Variants in RFC2 observed in about 807,000 individuals in gnomAD.
The protein encoded by RFC2 is replication factor C subunit 2.
In RFC2, 34 loss-of-function variants were observed where a neutral mutation model predicts 44.8. The ratio of observed to expected loss-of-function variants is 0.76; its 90% CI spans 0.58 to 1.01. The LOEUF (loss-of-function observed/expected upper bound fraction) is 1.01. RFC2 is among the 50% of genes least tolerant of loss of function. RFC2 has a pLI of 0.00. For missense variants in RFC2, 400 were observed against 453.6 expected (o/e 0.88, Z 1.07); for synonymous variants, 177 against 168.9 (o/e 1.05, Z -0.37).
At chr7:74,240,461 T>A (rs972114220) in intron 6 of RFC2, among the ~76,000 whole-genome samples, 13 of 139,246 alleles carry the variant, frequency 9.3e-5, no homozygotes, top group African/African-American at 3.3e-4. Context: ...AAGATCACAC[T>A]ACTGCACTCC....
chr7:74,234,461 T>C (rs1364339875), intron 10 of RFC2, among the ~76,000 whole-genome samples: 1 of 151,998 alleles, frequency 6.6e-6, no homozygotes, highest in East Asian at 1.9e-4. Context: ...TAATCTAACC[T>C]TGAAAAATCA....
intron 9 of RFC2, chr7:74,237,149 C>T: frequency 2.4e-6 from 1 of 414,372 alleles, no homozygotes. Context: ...AGGGTCTCAC[C>T]ATCACCCAGG....
intron 1 of RFC2, 128 bp downstream of exon 1, chr7:74,254,143 C>CG: frequency 1.4e-6 from 1 of 718,668 alleles, no homozygotes; most frequent in Non-Finnish European, 2.5e-6. Context: ...CGATGCCACC[C>CG]GGGGCCTCCT....
At position 74,238,259 on chromosome 7, in the gene RFC2, G is replaced by A. The variant is rs1563988374; in HGVS notation, c.759+664C>T. ...ACCTGGTAAGAAACAGCTATAGGCT[G>A]AAAGCTTGGACAGCCCTTCCCAGTT... On this transcript the variant is annotated intron_variant, in intron 8 of 10. Coordinates refer to ENST00000055077, the MANE Select transcript of RFC2 (RefSeq NM_181471.3). The surrounding 1 kb of genome is among the most constrained non-coding windows in gnomAD (Gnocchi z 4.0). Among the ~76,000 whole-genome samples the A allele has an allele frequency of 6.6e-6, 1 of 152,182 alleles. No individual in the cohort carries two copies. Among genetic ancestry groups the A allele is most frequent in the Non-Finnish European group, 1.5e-5 (1 of 68,030 alleles).
At position 74,237,422 on chromosome 7, in the gene RFC2, T is replaced by G. The variant is rs782078961; in HGVS notation, c.780A>C (p.Pro260=). Reference sequence around the variant, plus strand: ...GCTGGATCATCTCCTTTACCAGCAGTGGGTGGGGCTCGTCACAGACCTGGC... The same window carrying G: ...GCTGGATCATCTCCTTTACCAGCAGGGGGTGGGGCTCGTCACAGACCTGGC... ...NVFKVCDEPH[P]LLVKEMIQHC... Residue 260 remains proline, a synonymous_variant, in exon 9 of 11, where the codon CCA becomes CCC. Coordinates refer to ENST00000055077, the MANE Select transcript of RFC2 (RefSeq NM_181471.3). The G allele has an allele frequency of 8.1e-6, 13 of 1,596,304 alleles. 1 individual carries two copies. In the South Asian group the frequency reaches 1.5e-4, roughly 18 times the overall value.
chr7:74,247,284 C>T (rs1430639961), intron 4 of RFC2, among the ~76,000 whole-genome samples: 3 of 152,062 alleles, frequency 2.0e-5, no homozygotes, highest in Non-Finnish European at 2.9e-5. Context: ...ATTCTCTACC[C>T]ACAACAGGAA....
chr7:74,253,928 AT>A lies in RFC2; in HGVS notation c.113+342del, dbSNP rs782703385. Among the ~76,000 whole-genome samples, 7 of 152,060 alleles carry A rather than the reference AT, an allele frequency of 4.6e-5. No individual in the cohort carries two copies. The East Asian group carries it at 5.8e-4, about 13-fold the overall frequency. On this transcript the variant is annotated intron_variant, in intron 1 of 10. Transcript: ENST00000055077. The stretch of plus-strand genomic sequence containing the variant: ...ATATTATTTTCAACATGTAATCGAT[AT>A]TTTTTTTAAAAGATTGAAGTTTTTG...
At position 74,235,568 on chromosome 7, in the gene RFC2, G is replaced by C; in HGVS notation, c.918C>G (p.Phe306Leu). The C allele has an allele frequency of 6.2e-7, 1 of 1,612,964 alleles. No individual in the cohort carries two copies. Among genetic ancestry groups the C allele is most frequent in the Non-Finnish European group, 8.5e-7 (1 of 1,178,932 alleles). The change falls in exon 10 of 11, where the codon TTC becomes TTG. Residue 306 changes from phenylalanine (F) to leucine (L), a missense_variant. Physicochemically the swap from Phe to Leu is conservative, Grantham distance 22. Coordinates refer to ENST00000055077, the MANE Select transcript of RFC2 (RefSeq NM_181471.3). The part of the protein sequence containing the change: ...IGNIFRVCKT[F>L]QMAEYLKLEF... ...CCAGTTTCAGGTATTCTGCCATTTGGAAAGTTTTACACACTCGAAAGATGT... is the reference window on the plus strand; with the variant it reads ...CCAGTTTCAGGTATTCTGCCATTTGCAAAGTTTTACACACTCGAAAGATGT...
At chr7:74,253,269 G>A (rs1787075671) in intron 1 of RFC2, among the ~76,000 whole-genome samples, 2 of 151,102 alleles carry the variant, frequency 1.3e-5, no homozygotes, top group South Asian at 4.2e-4. Flanking sequence ...TGCCCAGGCT[G>A]GAGTGCAATG....
intron 3 of RFC2, 113 bp from the exon 4 acceptor site, chr7:74,249,231 C>T (rs1803795684): frequency 6.4e-7 from 1 of 1,560,062 alleles, no homozygotes. Flanking sequence ...CTGCATTCCA[C>T]CCACAGCACA....
At chr7:74,233,445 T>C (rs910103128) in intron 10 of RFC2, among the ~76,000 whole-genome samples, 6 of 152,092 alleles carry the variant, frequency 3.9e-5, no homozygotes, top group African/African-American at 1.4e-4. Context: ...AAAATGGGTA[T>C]ATATGAACAG....
rs1803247059 is a variant in RFC2, at chr7:74,240,114, G to C, written c.536-19C>G. 2 of 1,607,944 alleles carry C rather than the reference G, an allele frequency of 1.2e-6. No individual in the cohort carries two copies. Among genetic ancestry groups the C allele is most frequent in the South Asian group, 1.1e-5 (1 of 90,726 alleles). On this transcript the variant is annotated intron_variant, in intron 6 of 10. Coordinates refer to ENST00000055077, the MANE Select transcript of RFC2 (RefSeq NM_181471.3). Reference sequence around the variant, plus strand: ...ATGGGCTCTGAACAGAGACGGGACAGTAGTGAGGCTTCCCTGCAGAGGCCG... The same window carrying C: ...ATGGGCTCTGAACAGAGACGGGACACTAGTGAGGCTTCCCTGCAGAGGCCG...
rs921786333 is a variant in RFC2, at chr7:74,231,805, G to A, written c.*301C>T. 14 of 215,814 alleles carry A rather than the reference G, an allele frequency of 6.5e-5. No homozygotes were observed. The highest frequency in any genetic ancestry group is 9.4e-5 in the Non-Finnish European group (10 of 106,612). The allele number at this position is 215,814 out of a possible 1,614,324, so 13.4% of individuals were successfully genotyped here. ...AGCGATTCTCCTGCCACAGCCTCCC[G>A]AGTAGCTGGGATTACAGGTGCCCGC... On this transcript the variant is annotated 3_prime_UTR_variant, in exon 11 of 11. Coordinates refer to ENST00000055077, the MANE Select transcript of RFC2 (RefSeq NM_181471.3).
chr7:74,232,360 C>T, intron 10 of RFC2, 144 bp from the exon 11 acceptor site: 1 of 586,296 alleles, frequency 1.7e-6, no homozygotes, highest in Non-Finnish European at 3.0e-6. Flanking sequence ...CCAACCCCAG[C>T]CGGAAAATGA....
At chr7:74,253,698 G>GT (rs1787106785) in intron 1 of RFC2, 1 of 154,568 alleles carries the variant, frequency 6.5e-6, no homozygotes, top group Non-Finnish European at 1.4e-5. Flanking sequence ...TCCAGCCTGT[G>GT]TGACAAAGTG....
intron 5 of RFC2, among the ~76,000 whole-genome samples, chr7:74,245,434 C>T (rs1374547920): frequency 6.6e-6 from 1 of 151,562 alleles, no homozygotes; most frequent in African/African-American, 2.4e-5. Context: ...AATTTTGGGC[C>T]GGGCGCAGTG....
At position 74,239,969 on chromosome 7, in the gene RFC2, A is replaced by C. The variant is rs782523832; in HGVS notation, c.662T>G (p.Ile221Ser). 1.2e-6 allele frequency: 2 copies of C among 1,611,874 alleles called. No homozygotes were observed. The highest frequency in any genetic ancestry group is 4.5e-5 in the East Asian group (2 of 44,816). Residue 221 changes from isoleucine (I) to serine (S), a missense_variant, in exon 7 of 11, where the codon ATC becomes AGC. Coordinates refer to ENST00000055077, the MANE Select transcript of RFC2 (RefSeq NM_181471.3). The part of the protein sequence containing the change: ...VPYTDDGLEA[I>S]IFTAQGDMRQ... ...CATGTCTCCCTGGGCCGTGAAGATGATGGCTTCTAGGCCGTCATCAGTGTA... is the reference window on the plus strand; with the variant it reads ...CATGTCTCCCTGGGCCGTGAAGATGCTGGCTTCTAGGCCGTCATCAGTGTA...
chr7:74,234,485 T>C (rs535723607), intron 10 of RFC2, among the ~76,000 whole-genome samples: 1 of 151,948 alleles, frequency 6.6e-6, no homozygotes, highest in African/African-American at 2.4e-5. Context: ...AATCAGTCAA[T>C]ACACAAGAGA....
At position 74,254,379 on chromosome 7, in the gene RFC2, T is replaced by A. The variant is rs1554721634; in HGVS notation, c.5A>T (p.Glu2Val). The A allele has an allele frequency of 1.3e-6, 2 of 1,595,260 alleles. No individual in the cohort carries two copies. The highest frequency in any genetic ancestry group is 1.7e-6 in the Non-Finnish European group (2 of 1,168,950). The change falls in exon 1 of 11, where the codon GAG becomes GTG. Residue 2 changes from glutamate to valine, a missense_variant. Physicochemically the swap from Glu to Val is moderately radical, Grantham distance 121 (BLOSUM62 -2). Transcript: ENST00000055077. M[E>V]VEAVCGGAGE... ...CGCGCCACCACAGACGGCCTCCACC[T>A]CCATTCTCGCGCCTCCTCTTCCCGC...
Sources: gnomAD v4.1 joint callset for allele counts (sites outside exome capture counted in the v4.1 genomes callset) on GRCh38, gnomAD v4.1.1 for gene constraint, Gnocchi (gnomAD v3.1) non-coding constraint, MANE v1.5 for transcripts, NCBI Gene and HGNC (gene_info 2026-07-23, HGNC 2026-07-21) for gene names.